Variants in SLC71A1 observed in about 807,000 individuals in gnomAD.
The protein encoded by SLC71A1 is hippocampus abundant gene transcript 1.
chr1:100,077,944 T>A, the SLC71A1 span, among the ~76,000 whole-genome samples: 1 of 152,188 alleles, frequency 6.6e-6, no homozygotes, highest in Non-Finnish European at 1.5e-5. Context: ...CAAACTAGCC[T>A]TTGCAAAGAG....
the SLC71A1 span, chr1:100,080,246 TG>T: frequency 6.5e-6 from 2 of 305,506 alleles, no homozygotes; most frequent in Non-Finnish European, 1.2e-5. Flanking sequence ...AAAGTAGTTT[TG>T]CCCACTTGTT....
the SLC71A1 span, among the ~76,000 whole-genome samples, chr1:100,075,304 T>C: frequency 6.6e-6 from 1 of 152,238 alleles, no homozygotes; most frequent in Admixed American, 6.5e-5. Context: ...AATCTATTTT[T>C]TAACAGCATT....
At chr1:100,063,559 G>A in the SLC71A1 span, among the ~76,000 whole-genome samples, 2 of 152,264 alleles carry the variant, frequency 1.3e-5, no homozygotes, top group South Asian at 4.1e-4. Flanking sequence ...ACTTTGGGAG[G>A]CTGAGGCAGG....
the SLC71A1 span, chr1:100,069,722 C>T: frequency 4.4e-6 from 6 of 1,352,762 alleles, no homozygotes; most frequent in South Asian, 7.1e-5. Flanking sequence ...ATGTCAGTGA[C>T]CCTGGCTGGC....
the SLC71A1 span, among the ~76,000 whole-genome samples, chr1:100,040,263 T>C: frequency 6.6e-6 from 1 of 152,198 alleles, no homozygotes; most frequent in South Asian, 2.1e-4. Context: ...TTTATTGTAA[T>C]TTTGTTTATT....
the SLC71A1 span, chr1:100,078,356 G>T: frequency 1.3e-6 from 1 of 793,352 alleles, no homozygotes. Context: ...TTTCTCTACA[G>T]CCATTTCACA....
At chr1:100,069,060 G>A in the SLC71A1 span, among the ~76,000 whole-genome samples, 473 of 152,274 alleles carry the variant, frequency 3.1e-3, 6 homozygotes, top group Non-Finnish European at 5.7e-3. Context: ...CTGTGTGGCT[G>A]ATGTTCCTTA....
chr1:100,038,508 G>C, the SLC71A1 span, among the ~76,000 whole-genome samples: 1 of 152,174 alleles, frequency 6.6e-6, no homozygotes, highest in Non-Finnish European at 1.5e-5. Flanking sequence ...GCTCGGGCTT[G>C]CGGCCTCCGG....
At chr1:100,068,039 A>G in the SLC71A1 span, 13 of 1,614,068 alleles carry the variant, frequency 8.1e-6, no homozygotes, top group Middle Eastern at 1.6e-4. Flanking sequence ...ATCTTGGACG[A>G]GTATATGGGG....
the SLC71A1 span, chr1:100,058,823 G>A: frequency 8.7e-4 from 531 of 613,152 alleles, no homozygotes; most frequent in African/African-American, 8.9e-3. Context: ...ATAACTATGC[G>A]AATATATGTT....
chr1:100,077,436 A>G, the SLC71A1 span, among the ~76,000 whole-genome samples: 1 of 152,122 alleles, frequency 6.6e-6, no homozygotes, highest in Non-Finnish European at 1.5e-5. Context: ...GTATATTTAT[A>G]TGTTCTCCTA....
chr1:100,059,499 A>G, the SLC71A1 span, among the ~76,000 whole-genome samples: 1 of 151,134 alleles, frequency 6.6e-6, no homozygotes, highest in African/African-American at 2.4e-5. Context: ...AGTTTTCGAA[A>G]TAGGTAATTA....
At chr1:100,038,905 A>G in the SLC71A1 span, among the ~76,000 whole-genome samples, 1 of 152,206 alleles carries the variant, frequency 6.6e-6, no homozygotes, top group African/African-American at 2.4e-5. Flanking sequence ...CACTTCCCGG[A>G]GTCGGAAGCA....
chr1:100,063,266 AAAAC>A, the SLC71A1 span, among the ~76,000 whole-genome samples: 6,575 of 93,110 alleles, frequency 0.071, 161 homozygotes, highest in African/African-American at 0.12. Context: ...GTTCTGGCAA[AAAAC>A]AAAACAAAAC....
the SLC71A1 span, among the ~76,000 whole-genome samples, chr1:100,054,040 C>CT: frequency 1.4e-5 from 2 of 142,378 alleles, no homozygotes; most frequent in Non-Finnish European, 1.5e-5. Context: ...TTTTTTCTTT[C>CT]CTTTTTTTTT....
At chr1:100,064,240 C>G in the SLC71A1 span, among the ~76,000 whole-genome samples, 2 of 152,142 alleles carry the variant, frequency 1.3e-5, no homozygotes, top group Non-Finnish European at 2.9e-5. Context: ...CTCCTGGGTT[C>G]AAACGATTCT....
the SLC71A1 span, chr1:100,080,422 T>C: frequency 2.5e-6 from 3 of 1,186,588 alleles, no homozygotes; most frequent in African/African-American, 4.6e-5. Flanking sequence ...AGTGATTTCA[T>C]ATTTGTACTG....
At chr1:100,078,964 G>A in the SLC71A1 span, 1 of 153,192 alleles carries the variant, frequency 6.5e-6, no homozygotes, top group African/African-American at 2.4e-5. Flanking sequence ...TACTTGGGAG[G>A]CTGAGGTTGG....
the SLC71A1 span, among the ~76,000 whole-genome samples, chr1:100,042,533 A>G: frequency 6.6e-6 from 1 of 152,168 alleles, no homozygotes; most frequent in Non-Finnish European, 1.5e-5. Context: ...TTGTAGACCC[A>G]GAGAGCTGTT....
Sources: gnomAD v4.1 joint callset for allele counts (sites outside exome capture counted in the v4.1 genomes callset) on GRCh38, gnomAD v4.1.1 for gene constraint, MANE v1.5 for transcripts, NCBI Gene and HGNC (gene_info 2026-07-23, HGNC 2026-07-21) for gene names.